Variants in EYA1 observed in about 807,000 individuals in gnomAD.
EYA1 encodes EYA transcriptional coactivator and phosphatase 1.
Under a neutral mutation model 82.0 loss-of-function variants are expected in EYA1, and 16 were observed. The ratio of observed to expected loss-of-function variants is 0.20; its 90% CI spans 0.13 to 0.30. EYA1 has a LOEUF of 0.30. Ranked by LOEUF, EYA1 falls within the 10% of genes least tolerant of loss-of-function variation. EYA1 has a pLI of 1.00. For synonymous variants in EYA1, 261 were observed against 264.4 expected (o/e 0.99, Z 0.12); for missense variants, 633 against 730.7 (o/e 0.87, Z 1.54).
intron 12 of EYA1, among the ~76,000 whole-genome samples, chr8:71,235,306 C>T (rs1432480642): frequency 6.6e-6 from 1 of 152,168 alleles, no homozygotes; most frequent in African/African-American, 2.4e-5. Flanking sequence ...CCATGGTCTA[C>T]AAGACCCTTC....
intron 17 of EYA1, among the ~76,000 whole-genome samples, chr8:71,208,273 A>C (rs1412463902): frequency 6.6e-6 from 1 of 152,096 alleles, no homozygotes; most frequent in African/African-American, 2.4e-5. Flanking sequence ...CTCTACTAAA[A>C]ATACAAAAAT....
chr8:71,420,589 G>A (rs898190100), intron 2 of EYA1, among the ~76,000 whole-genome samples: 3 of 152,030 alleles, frequency 2.0e-5, no homozygotes, highest in East Asian at 1.9e-4. Flanking sequence ...CAGATCTGGC[G>A]CTAAGTGAAA....
At chr8:71,408,660 CAA>C (rs1278240123) in intron 2 of EYA1, among the ~76,000 whole-genome samples, 1 of 104,976 alleles carries the variant, frequency 9.5e-6, no homozygotes, top group Non-Finnish European at 1.9e-5. Context: ...ATCAATTCAA[CAA>C]GAGGAGCTAA....
intron 3 of EYA1, among the ~76,000 whole-genome samples, chr8:71,337,738 A>G (rs552029173): frequency 2.5e-4 from 38 of 152,366 alleles, no homozygotes; most frequent in Non-Finnish European, 4.6e-4. Flanking sequence ...TATATTCATC[A>G]TCATCATTAA....
intron 9 of EYA1, among the ~76,000 whole-genome samples, chr8:71,291,913 T>C (rs769135486): frequency 6.6e-6 from 1 of 152,156 alleles, no homozygotes; most frequent in Non-Finnish European, 1.5e-5. Context: ...TGTATTGTGA[T>C]GATAGCTATC....
intron 12 of EYA1, among the ~76,000 whole-genome samples, chr8:71,221,313 G>T (rs1420164513): frequency 6.6e-6 from 1 of 152,052 alleles, no homozygotes; most frequent in Non-Finnish European, 1.5e-5. Context: ...CAGTGAGGTG[G>T]GGTGGGATGG....
chr8:71,250,028 TG>T (rs1395398838), intron 11 of EYA1, among the ~76,000 whole-genome samples: 7 of 152,006 alleles, frequency 4.6e-5, no homozygotes, highest in African/African-American at 1.7e-4. Flanking sequence ...CATTGTTCTT[TG>T]CTTTCTTGTT....
chr8:71,339,981 C>G (rs184522352), intron 3 of EYA1, among the ~76,000 whole-genome samples: 16 of 152,318 alleles, frequency 1.1e-4, no homozygotes, highest in African/African-American at 3.4e-4. Flanking sequence ...TTCCACCACT[C>G]TAATATTTTA....
At chr8:71,440,810 A>G (rs1191429007) in intron 2 of EYA1, among the ~76,000 whole-genome samples, 2 of 152,204 alleles carry the variant, frequency 1.3e-5, no homozygotes, top group African/African-American at 4.8e-5. Context: ...AAGAAGAGAA[A>G]GACACTGAGA....
intron 2 of EYA1, among the ~76,000 whole-genome samples, chr8:71,416,479 C>A (rs1830858551): frequency 6.6e-6 from 1 of 151,916 alleles, no homozygotes; most frequent in South Asian, 2.1e-4. Flanking sequence ...ATTTGAGATG[C>A]AAAATGGAAA....
intron 2 of EYA1, among the ~76,000 whole-genome samples, chr8:71,371,948 A>T (rs779820408): frequency 4.6e-5 from 7 of 152,110 alleles, no homozygotes; most frequent in Non-Finnish European, 1.0e-4. Flanking sequence ...AGAAGTATAG[A>T]AAATATAAGA....
intron 9 of EYA1, among the ~76,000 whole-genome samples, chr8:71,290,285 C>G (rs946733509): frequency 1.3e-5 from 2 of 152,288 alleles, no homozygotes; most frequent in African/African-American, 4.8e-5. Flanking sequence ...TTACAACCAT[C>G]TCCAATTAAA....
At chr8:71,467,492 A>C (rs1352465535) in intron 2 of EYA1, among the ~76,000 whole-genome samples, 1 of 152,200 alleles carries the variant, frequency 6.6e-6, no homozygotes, top group Non-Finnish European at 1.5e-5. Context: ...TAACATGTTA[A>C]ACAAGTTATG....
intron 2 of EYA1, among the ~76,000 whole-genome samples, chr8:71,451,567 T>A (rs894107298): frequency 1.3e-5 from 2 of 152,224 alleles, no homozygotes; most frequent in African/African-American, 4.8e-5. Flanking sequence ...TCAAATTTTC[T>A]TATTTATTAT....
intron 1 of EYA1, among the ~76,000 whole-genome samples, chr8:71,538,041 T>C (rs530859105): frequency 1.3e-5 from 2 of 152,348 alleles, no homozygotes; most frequent in African/African-American, 4.8e-5. Flanking sequence ...CAGCGAGCCG[T>C]GGACTTTATT....
chr8:71,211,327 T>C, intron 16 of EYA1, 71 bp from the exon 17 acceptor site: 1 of 971,630 alleles, frequency 1.0e-6, no homozygotes, highest in Non-Finnish European at 1.7e-6. Context: ...TTGAACTTTT[T>C]ATATAAAATG....
intron 17 of EYA1, among the ~76,000 whole-genome samples, chr8:71,207,503 A>G (rs957615812): frequency 1.3e-5 from 2 of 152,260 alleles, no homozygotes; most frequent in Non-Finnish European, 2.9e-5. Context: ...CAAGGTACAA[A>G]GAGTGGTTTG....
chr8:71,278,768 T>G (rs1817489729), intron 9 of EYA1, among the ~76,000 whole-genome samples: 1 of 152,228 alleles, frequency 6.6e-6, no homozygotes, highest in African/African-American at 2.4e-5. Context: ...GATTTAGAGA[T>G]AAGTGTTCAC....
chr8:71,393,328 G>A (rs923110922), intron 2 of EYA1, among the ~76,000 whole-genome samples: 4 of 151,666 alleles, frequency 2.6e-5, no homozygotes, highest in Admixed American at 6.6e-5. Flanking sequence ...TAAGTTCTAG[G>A]GTACATGTGC....
Sources: gnomAD v4.1 joint callset for allele counts (sites outside exome capture counted in the v4.1 genomes callset) on GRCh38, gnomAD v4.1.1 for gene constraint, MANE v1.5 for transcripts, NCBI Gene and HGNC (gene_info 2026-07-23, HGNC 2026-07-21) for gene names.